TRPM8: variants seen among roughly 807,000 people sequenced by gnomAD.
TRPM8 encodes the protein transient receptor potential cation channel subfamily M member 8, also known as TRPM8 cationic channel.
Under a neutral mutation model 133.7 loss-of-function variants are expected in TRPM8, and 110 were observed. The observed-to-expected ratio is 0.82, with a 90% CI of 0.70 to 0.96. The LOEUF is 0.96. Among genes scored for constraint, TRPM8 ranks in the 40% least tolerant of loss-of-function variants. The pLI, the probability that TRPM8 is intolerant of heterozygous loss-of-function variation, is 0.00. For missense variants in TRPM8, 1,291 were observed against 1,379.5 expected (o/e 0.94, Z 1.02); for synonymous variants, 535 against 532.3 (o/e 1.01, Z -0.07).
intron 19 of TRPM8, among the ~76,000 whole-genome samples, chr2:233,982,578 A>G (rs1168510144): frequency 2.0e-5 from 3 of 152,214 alleles, no homozygotes; most frequent in Non-Finnish European, 4.4e-5. Flanking sequence ...GTCATCATGA[A>G]GTCATGCTAT....
At chr2:233,933,033 G>A (rs915838375) in intron 3 of TRPM8, among the ~76,000 whole-genome samples, 1 of 151,718 alleles carries the variant, frequency 6.6e-6, no homozygotes, top group Non-Finnish European at 1.5e-5. Flanking sequence ...GCAAGATGGT[G>A]CCGCACTTTT....
At chr2:233,922,522 T>C (rs1220485074) in intron 1 of TRPM8, among the ~76,000 whole-genome samples, 1 of 152,128 alleles carries the variant, frequency 6.6e-6, no homozygotes, top group East Asian at 1.9e-4. Flanking sequence ...TGAGATAAAA[T>C]ATAAACATTT....
chr2:233,942,620 T>C lies in TRPM8; in HGVS notation c.571T>C (p.Tyr191His). The C allele has an allele frequency of 6.2e-7, 1 of 1,613,966 alleles. No individual in the cohort carries two copies. Among genetic ancestry groups the C allele is most frequent in the Non-Finnish European group, 8.5e-7 (1 of 1,179,870 alleles). Residue 191 changes from tyrosine (Y) to histidine (H), a missense_variant, in exon 6 of 26, where the codon TAC becomes CAC. Tyr to His is a moderately conservative substitution (Grantham distance 83). This residue lies in a region of TRPM8 where 963 missense variants were observed against 968.9 expected (regional missense o/e 0.99). Coordinates refer to ENST00000324695, the MANE Select transcript of TRPM8 (RefSeq NM_024080.5). ...AGGCACCCATTATGGCCTGATGAAG[T>C]ACATCGGGGAGGTGGTGAGAGATAA... ...TGGTHYGLMK[Y>H]IGEVVRDNTI...
At chr2:233,949,079 C>T (rs1459279272) in intron 8 of TRPM8, among the ~76,000 whole-genome samples, 1 of 152,108 alleles carries the variant, frequency 6.6e-6, no homozygotes, top group Non-Finnish European at 1.5e-5. Flanking sequence ...CAGTTGGTGC[C>T]TCTGCATCCC....
intron 5 of TRPM8, among the ~76,000 whole-genome samples, chr2:233,942,071 C>CTT (rs796852025): frequency 0.015 from 1,670 of 111,406 alleles, 90 homozygotes; most frequent in African/African-American, 0.046. Context: ...GGTCAAGAAT[C>CTT]TTTTTTTTTT....
intron 9 of TRPM8, among the ~76,000 whole-genome samples, chr2:233,953,027 C>G (rs1035843994): frequency 2.6e-5 from 4 of 152,148 alleles, no homozygotes; most frequent in Non-Finnish European, 5.9e-5. Context: ...CACCCACCCT[C>G]TCCTTCAAAA....
rs930634801 is a variant in TRPM8 at position 233,963,161 on chromosome 2, G to A, written c.1654-121G>A. On this transcript the variant is annotated intron_variant, in intron 12 of 25. Coordinates refer to ENST00000324695, the MANE Select transcript of TRPM8 (RefSeq NM_024080.5). The stretch of plus-strand genomic sequence containing the variant: ...GAGATGAAAATCCCATCACTGTACT[G>A]TGAGAATGGAGTCATGCACAAAGCC... 6 of 544,944 alleles carry A rather than the reference G, an allele frequency of 1.1e-5. No homozygotes were observed. The East Asian group carries it at 1.8e-4, about 16-fold the overall frequency. 33.8% of individuals were successfully genotyped at this position (544,944 alleles called of 1,614,324 possible).
intron 21 of TRPM8, among the ~76,000 whole-genome samples, chr2:233,993,417 G>A (rs563836366): frequency 6.6e-5 from 10 of 152,308 alleles, no homozygotes; most frequent in East Asian, 3.9e-4. Flanking sequence ...ACTGGCCTAC[G>A]TGCACTGTAG....
rs28901636 is a variant in TRPM8 at position 233,945,151 on chromosome 2, T to A, written c.700-705T>A. On this transcript the variant is annotated intron_variant, in intron 6 of 25. Coordinates refer to ENST00000324695, the MANE Select transcript of TRPM8 (RefSeq NM_024080.5). Reference sequence around the variant, plus strand: ...TTGTTCAAACTTATTAAATTCTATGTTTGGAGTTAAGATTGAAACACCTTT... The same window carrying A: ...TTGTTCAAACTTATTAAATTCTATGATTGGAGTTAAGATTGAAACACCTTT... 4.8e-4 allele frequency among the ~76,000 whole-genome samples: 73 copies of A among 152,346 alleles called. 1 individual carries two copies. The highest frequency in any genetic ancestry group is 1.6e-3 in the African/African-American group (68 of 41,582).
chr2:233,985,187 T>G (rs1184581896), intron 20 of TRPM8, among the ~76,000 whole-genome samples: 1 of 152,154 alleles, frequency 6.6e-6, no homozygotes, highest in Non-Finnish European at 1.5e-5. Context: ...CCTTTGCCCA[T>G]GCTGTTGCCT....
At chr2:233,927,710 CTT>C (rs1559515867) in intron 2 of TRPM8, among the ~76,000 whole-genome samples, 4 of 13,548 alleles carry the variant, frequency 3.0e-4, no homozygotes, top group Middle Eastern at 0.033. Context: ...GAGTCTGTCT[CTT>C]TCTTTCTTTC....
At chr2:233,941,803 AG>A (rs1242497750) in intron 5 of TRPM8, among the ~76,000 whole-genome samples, 4 of 152,240 alleles carry the variant, frequency 2.6e-5, no homozygotes, top group Admixed American at 1.3e-4. Context: ...AACCCTAAAA[AG>A]GCCAGTGTAC....
At chr2:234,014,995 A>AT (rs1692924670) in intron 25 of TRPM8, among the ~76,000 whole-genome samples, 1 of 152,328 alleles carries the variant, frequency 6.6e-6, no homozygotes, top group African/African-American at 2.4e-5. Flanking sequence ...AAGTTCTGTT[A>AT]TTTTTTGATC....
chr2:233,919,607 T>C (rs1691369317), intron 1 of TRPM8, among the ~76,000 whole-genome samples: 2 of 151,806 alleles, frequency 1.3e-5, no homozygotes, highest in South Asian at 2.1e-4. Context: ...GATGGATCCA[T>C]GTAAATACTC....
intron 1 of TRPM8, among the ~76,000 whole-genome samples, chr2:233,919,056 A>G (rs1410365827): frequency 1.3e-5 from 2 of 151,428 alleles, no homozygotes. Context: ...TTTTTTTTTA[A>G]TCAGAAAGAG....
chr2:233,980,115 G>C, intron 17 of TRPM8, 73 bp from the exon 18 acceptor site: 7 of 1,007,774 alleles, frequency 6.9e-6, no homozygotes, highest in Non-Finnish European at 1.1e-5. Flanking sequence ...AAAATGAGTG[G>C]ACATTTAAAA....
At chr2:233,997,766 A>G (rs1297535091) in intron 22 of TRPM8, among the ~76,000 whole-genome samples, 3 of 152,090 alleles carry the variant, frequency 2.0e-5, no homozygotes, top group African/African-American at 7.2e-5. Context: ...TCCACACATC[A>G]GACTGTGGAT....
chr2:233,984,885 A>G (rs1692106465), intron 20 of TRPM8, among the ~76,000 whole-genome samples: 2 of 152,150 alleles, frequency 1.3e-5, no homozygotes, highest in African/African-American at 4.8e-5. Flanking sequence ...AGAGTTCAAG[A>G]CCAGCCTGGT....
chr2:233,991,329 A>G (rs1692271365), intron 21 of TRPM8, among the ~76,000 whole-genome samples: 1 of 152,234 alleles, frequency 6.6e-6, no homozygotes, highest in African/African-American at 2.4e-5. Context: ...AGTGTGATCC[A>G]ATCGCTTGTC....
Sources: allele counts gnomAD v4.1 joint callset (sites outside exome capture counted in the v4.1 genomes callset), GRCh38; gene constraint gnomAD v4.1.1; regional missense constraint gnomAD v4.1.1; transcripts MANE v1.5; gene names NCBI Gene and HGNC (gene_info 2026-07-23, HGNC 2026-07-21).